The following STK32B variants were observed in gnomAD, a reference collection of about 807,000 sequenced individuals.
The protein encoded by STK32B is serine/threonine-protein kinase 32B.
In STK32B, 43 loss-of-function variants were observed where a neutral mutation model predicts 52.6. The observed-to-expected ratio is 0.82, with a 90% confidence interval of 0.64 to 1.05. The LOEUF is 1.05. Ranked by LOEUF, STK32B falls within the 50% of genes least tolerant of loss-of-function variation. The pLI is 0.00. For missense variants in STK32B, 621 were observed against 534.6 expected, an observed-to-expected ratio of 1.16 and a Z score of -1.59; for synonymous variants, 238 against 204.3, an observed-to-expected ratio of 1.17 and a Z score of -1.41.
chr4:5,086,961 A>G (rs1712764431), intron 1 of STK32B, among the ~76,000 whole-genome samples: 1 of 152,260 alleles, frequency 6.6e-6, no homozygotes, highest in Non-Finnish European at 1.5e-5. Flanking sequence ...AATGAAATGT[A>G]AGGATAGTAT....
At chr4:5,324,428 GTTA>G (rs776638398) in intron 3 of STK32B, among the ~76,000 whole-genome samples, 3 of 152,162 alleles carry the variant, frequency 2.0e-5, no homozygotes, top group Non-Finnish European at 4.4e-5. Context: ...AGTGTTAACT[GTTA>G]TTATTATAAG....
At chr4:5,027,117 G>C in the STK32B span, among the ~76,000 whole-genome samples, 1 of 152,132 alleles carries the variant, frequency 6.6e-6, no homozygotes, top group Non-Finnish European at 1.5e-5. Flanking sequence ...GTTGATATTG[G>C]TATTCCTTTG....
intron 4 of STK32B, among the ~76,000 whole-genome samples, chr4:5,391,665 C>T (rs1366491931): frequency 6.6e-6 from 1 of 152,222 alleles, no homozygotes; most frequent in Non-Finnish European, 1.5e-5. Flanking sequence ...GTCAAGCCTA[C>T]TGGCCAGATC....
chr4:5,266,474 C>T (rs1461711175), intron 3 of STK32B, among the ~76,000 whole-genome samples: 1 of 152,140 alleles, frequency 6.6e-6, no homozygotes, highest in Non-Finnish European at 1.5e-5. Flanking sequence ...TCAACAACAG[C>T]TGGTTAATTA....
chr4:5,421,145 A>G (rs939349875), intron 6 of STK32B, among the ~76,000 whole-genome samples: 5 of 151,442 alleles, frequency 3.3e-5, no homozygotes, highest in African/African-American at 1.2e-4. Context: ...CCTGGAGTGC[A>G]GTGGCGTGAT....
chr4:5,135,630 G>A (rs1199818920), intron 1 of STK32B, among the ~76,000 whole-genome samples: 1 of 152,100 alleles, frequency 6.6e-6, no homozygotes, highest in African/African-American at 2.4e-5. Context: ...GTGTTCAGAG[G>A]CTCACAGGAA....
In STK32B at chr4:5,190,235, G is replaced by A. The variant is rs549170025; in HGVS notation, c.260+21785G>A. ...GAAGGGAAGGAAAGGAAGTAACCTT[G>A]TATATGTTGGTGGGTAATGGTGATG... On this transcript the variant is annotated intron_variant, in intron 3 of 11. Transcript: ENST00000282908. Among the ~76,000 whole-genome samples the A allele has an allele frequency of 1.3e-3, 191 of 152,272 alleles. 1 individual carries two copies. The highest frequency in any genetic ancestry group is 1.9e-3 in the Admixed American group (29 of 15,298).
chr4:5,496,659 C>T (rs144703443), intron 11 of STK32B, among the ~76,000 whole-genome samples: 8,587 of 152,220 alleles, frequency 0.056, 736 homozygotes, highest in East Asian at 0.43. Context: ...ACACTGGGAG[C>T]TGTAGACCGG....
chr4:5,232,312 A>C lies in STK32B; in HGVS notation c.260+63862A>C, dbSNP rs182256646. ...TTGATTAATGTATTAAATAAGATCT[A>C]AGAGCATGGCAAAGTAATAATGACA... On this transcript the variant is annotated intron_variant, in intron 3 of 11. Coordinates refer to ENST00000282908, the MANE Select transcript of STK32B (RefSeq NM_018401.3). 6.4e-4 allele frequency among the ~76,000 whole-genome samples: 97 copies of C among 152,344 alleles called. 2 individuals are homozygous for C. The East Asian group carries it at 0.017, about 26-fold the overall frequency.
intron 3 of STK32B, among the ~76,000 whole-genome samples, chr4:5,284,010 G>A (rs1728383067): frequency 2.0e-5 from 3 of 151,872 alleles, no homozygotes; most frequent in Admixed American, 2.0e-4. Context: ...CTACTCAGAG[G>A]GTTACAACAC....
intron 7 of STK32B, among the ~76,000 whole-genome samples, chr4:5,452,666 A>G (rs527540957): frequency 1.3e-4 from 19 of 151,616 alleles, no homozygotes; most frequent in African/African-American, 3.9e-4. Flanking sequence ...AGATTTTGGG[A>G]AAAAAAAATT....
intron 5 of STK32B, among the ~76,000 whole-genome samples, chr4:5,406,985 A>C (rs1050335623): frequency 1.3e-5 from 2 of 152,110 alleles, no homozygotes; most frequent in Non-Finnish European, 2.9e-5. Flanking sequence ...GCATTTTCCA[A>C]ACTTTTACAT....
At chr4:5,484,345 G>T (rs1718970264) in intron 11 of STK32B, among the ~76,000 whole-genome samples, 1 of 152,046 alleles carries the variant, frequency 6.6e-6, no homozygotes, top group Non-Finnish European at 1.5e-5. Flanking sequence ...TTATGTAATG[G>T]CCTTCTTTGT....
At position 5,194,535 on chromosome 4, in the gene STK32B, G is replaced by A. The variant is rs963846429; in HGVS notation, c.260+26085G>A. Among the ~76,000 whole-genome samples the A allele has an allele frequency of 2.6e-5, 4 of 152,130 alleles. No individual in the cohort carries two copies. In the South Asian group the frequency reaches 8.3e-4, roughly 32 times the overall value. On this transcript the variant is annotated intron_variant, in intron 3 of 11. Transcript: ENST00000282908. ...CTGAGTTTACTGTGAAAATGTATGCGCCAGAGCAATTGAAAGATGAACTTC... is the reference window on the plus strand; with the variant it reads ...CTGAGTTTACTGTGAAAATGTATGCACCAGAGCAATTGAAAGATGAACTTC...
chr4:5,323,233 T>A (rs558404286), intron 3 of STK32B, among the ~76,000 whole-genome samples: 1 of 152,232 alleles, frequency 6.6e-6, no homozygotes, highest in South Asian at 2.1e-4. Context: ...AACGGCTTGC[T>A]ACCTCTTGAG....
At chr4:5,355,164 G>A (rs990648602) in intron 4 of STK32B, among the ~76,000 whole-genome samples, 4 of 152,212 alleles carry the variant, frequency 2.6e-5, no homozygotes, top group Non-Finnish European at 4.4e-5. Context: ...CTACCCCACA[G>A]GGATGTTGAG....
intron 4 of STK32B, among the ~76,000 whole-genome samples, chr4:5,372,385 AT>A (rs1237866976): frequency 6.6e-6 from 1 of 152,090 alleles, no homozygotes; most frequent in Non-Finnish European, 1.5e-5. Context: ...TTTACCGAAA[AT>A]GCCATGATGG....
intron 3 of STK32B, among the ~76,000 whole-genome samples, chr4:5,252,351 T>C (rs1725995632): frequency 6.6e-6 from 1 of 152,196 alleles, no homozygotes; most frequent in Admixed American, 6.5e-5. Context: ...TCAATTTCGG[T>C]GTTCCTGTTT....
At chr4:5,300,131 T>C (rs1040993959) in intron 3 of STK32B, among the ~76,000 whole-genome samples, 3 of 152,144 alleles carry the variant, frequency 2.0e-5, no homozygotes, top group Non-Finnish European at 2.9e-5. Flanking sequence ...ATGGATGATA[T>C]GCAAATCAAT....
Sources: gnomAD v4.1 joint callset for allele counts (sites outside exome capture counted in the v4.1 genomes callset) on GRCh38, gnomAD v4.1.1 for gene constraint, MANE v1.5 for transcripts, NCBI Gene and HGNC (gene_info 2026-07-23, HGNC 2026-07-21) for gene names.